Variants in PLB1 observed in about 807,000 individuals in gnomAD.
PLB1 encodes phospholipase B1, membrane-associated.
A neutral mutation model predicts 227.4 loss-of-function variants in PLB1; 242 were observed. The observed-to-expected ratio is 1.06, with a 90% CI of 0.96 to 1.18. The LOEUF (loss-of-function observed/expected upper bound fraction) is 1.18, where lower values mean the gene tolerates loss of function less well. PLB1 is among the 50% of genes most tolerant of loss of function. PLB1 has a pLI of 0.00. For missense variants in PLB1, 1,858 were observed against 1,816.3 expected, an observed-to-expected ratio of 1.02 and a Z score of -0.42; for synonymous variants, 757 against 682.2, an observed-to-expected ratio of 1.11 and a Z score of -1.71.
intron 18 of PLB1, among the ~76,000 whole-genome samples, chr2:28,564,539 C>T (rs1200932829): frequency 1.3e-5 from 2 of 152,230 alleles, no homozygotes; most frequent in Admixed American, 6.5e-5. Flanking sequence ...ATTCCCTGGT[C>T]TCCTTGAAGA....
intron 22 of PLB1, 60 bp from the exon 23 acceptor site, chr2:28,579,567 T>G: frequency 5.1e-6 from 7 of 1,362,968 alleles, no homozygotes; most frequent in Admixed American, 1.7e-5. Context: ...AAGCATTTTG[T>G]GTTTTCCTTG....
intron 4 of PLB1, among the ~76,000 whole-genome samples, chr2:28,521,147 G>C (rs1055126879): frequency 6.6e-6 from 1 of 152,106 alleles, no homozygotes; most frequent in Admixed American, 6.5e-5. Flanking sequence ...TGTATATCTA[G>C]ATCAGATTTC....
intron 41 of PLB1, 22 bp downstream of exon 41, chr2:28,604,781 A>G (rs200035281): frequency 2.5e-6 from 4 of 1,599,414 alleles, no homozygotes; most frequent in Middle Eastern, 1.7e-4. Context: ...GCCCTCACCC[A>G]TGGTACTCTT....
chr2:28,598,616 C>A, intron 34 of PLB1, 36 bp from the exon 35 acceptor site: 1 of 1,537,646 alleles, frequency 6.5e-7, no homozygotes, highest in South Asian at 1.1e-5. Flanking sequence ...GCTTTCTGTT[C>A]TGAGCCGTCT....
chr2:28,620,188 A>AC, intron 46 of PLB1, 77 bp from the exon 47 acceptor site: 1 of 989,842 alleles, frequency 1.0e-6, no homozygotes, highest in Non-Finnish European at 1.5e-6. Flanking sequence ...CCTAGCTGCT[A>AC]CCCCAGGGCC....
rs564428163 is a variant in PLB1 at position 28,503,514 on chromosome 2, T to C, written c.55+7345T>C. On this transcript the variant is annotated intron_variant, in intron 1 of 57. Coordinates refer to ENST00000327757, the MANE Select transcript of PLB1 (RefSeq NM_153021.5). Reference sequence around the variant, plus strand: ...ATAGCAAACTACCCCCAAATCTCAGTGACTTACAGTAGCAACCACTTCATT... The same window carrying C: ...ATAGCAAACTACCCCCAAATCTCAGCGACTTACAGTAGCAACCACTTCATT... Among the ~76,000 whole-genome samples the C allele has an allele frequency of 5.9e-5, 9 of 152,312 alleles. No individual in the cohort carries two copies. The East Asian group carries it at 1.5e-3, about 26-fold the overall frequency.
intron 26 of PLB1, among the ~76,000 whole-genome samples, chr2:28,589,097 G>A (rs1437606706): frequency 1.5e-4 from 23 of 152,022 alleles, no homozygotes; most frequent in Non-Finnish European, 2.8e-4. Flanking sequence ...CCCGGGAGGC[G>A]GAGGTTGCAG....
chr2:28,604,152 G>A lies in PLB1; in HGVS notation c.2856+105G>A, dbSNP rs1037886981. ...CACACAGGGAAGGAAAAGCTGGTCA[G>A]GGATTGTGGGGAGACGGGGAGCAGC... On this transcript the variant is annotated intron_variant, in intron 40 of 57. Transcript: ENST00000327757. 4 of 1,100,108 alleles carry A rather than the reference G, an allele frequency of 3.6e-6. No individual in the cohort carries two copies. The African/African-American group carries it at 4.6e-5, about 13-fold the overall frequency. 68.1% of individuals were successfully genotyped at this position (1,100,108 alleles called of 1,614,324 possible).
At chr2:28,585,898 C>T (rs1397948039) in intron 26 of PLB1, 56 bp downstream of exon 26, 2 of 1,449,170 alleles carry the variant, frequency 1.4e-6, no homozygotes, top group Non-Finnish European at 1.9e-6. Context: ...TTCGATTGCT[C>T]TGTCTAGAGA....
At chr2:28,613,232 T>TC (rs1685737861) in intron 43 of PLB1, among the ~76,000 whole-genome samples, 1 of 152,218 alleles carries the variant, frequency 6.6e-6, no homozygotes, top group Admixed American at 6.5e-5. Flanking sequence ...CCTGGTTTTT[T>TC]CTTCTTGTTC....
intron 4 of PLB1, among the ~76,000 whole-genome samples, chr2:28,523,848 G>A (rs1669872109): frequency 6.6e-6 from 1 of 152,146 alleles, no homozygotes; most frequent in African/African-American, 2.4e-5. Context: ...AAATGACTCT[G>A]GGGGGTGCCC....
At chr2:28,585,462 A>G (rs1348121164) in intron 25 of PLB1, 2 of 297,036 alleles carry the variant, frequency 6.7e-6, no homozygotes, top group Admixed American at 4.2e-5. Context: ...TTTTTAGTAG[A>G]GACGGGGTTT....
intron 53 of PLB1, among the ~76,000 whole-genome samples, chr2:28,629,914 C>T (rs533089170): frequency 6.6e-6 from 1 of 152,274 alleles, no homozygotes; most frequent in African/African-American, 2.4e-5. Flanking sequence ...AGGAGGTTCT[C>T]CAGGGAGCTG....
rs1302737216 is a variant in PLB1, at chr2:28,593,686, C to CA, written c.2255dup (p.Asn752LysfsTer38). On this transcript the variant is annotated frameshift_variant, in exon 33 of 58. Transcript: ENST00000327757. LOFTEE classifies it high-confidence loss of function. The stretch of plus-strand genomic sequence containing the variant: ...ACTCTGGTATATTTTCAAAGGCTGG[C>CA]AATGGAATTGGCTCCAAACCAGACG... 1 of 1,614,026 alleles carries CA rather than the reference C, an allele frequency of 6.2e-7. No individual in the cohort carries two copies. Among genetic ancestry groups the CA allele is most frequent in the Admixed American group, 1.7e-5 (1 of 60,014 alleles).
At chr2:28,598,194 C>T in intron 34 of PLB1, 146 bp downstream of exon 34, 1 of 672,926 alleles carries the variant, frequency 1.5e-6, no homozygotes, top group East Asian at 2.8e-5. Flanking sequence ...TATGAAAAAG[C>T]AGCCGAGGCA....
chr2:28,510,900 T>G (rs1668178251), intron 1 of PLB1, among the ~76,000 whole-genome samples: 1 of 152,014 alleles, frequency 6.6e-6, no homozygotes, highest in Non-Finnish European at 1.5e-5. Context: ...AGCATTGAGA[T>G]TACAAGCATG....
intron 18 of PLB1, 105 bp from the exon 19 acceptor site, chr2:28,565,175 C>T (rs1354861540): frequency 4.4e-6 from 4 of 919,190 alleles, no homozygotes; most frequent in Non-Finnish European, 6.9e-6. Flanking sequence ...CAGAGAGTGC[C>T]CAGGTGGTCC....
chr2:28,538,222 T>C (rs576623364), intron 9 of PLB1, 97 bp from the exon 10 acceptor site: 8 of 1,466,464 alleles, frequency 5.5e-6, no homozygotes, highest in Non-Finnish European at 7.6e-6. Context: ...TTGCCTGTGG[T>C]CTTGCCTGGC....
chr2:28,609,162 C>T (rs1685092635), intron 43 of PLB1, among the ~76,000 whole-genome samples: 1 of 152,130 alleles, frequency 6.6e-6, no homozygotes, highest in African/African-American at 2.4e-5. Flanking sequence ...TCAAGTGATC[C>T]ATCAGCCTTG....
Sources: gnomAD v4.1 joint callset for allele counts (sites outside exome capture counted in the v4.1 genomes callset) on GRCh38, gnomAD v4.1.1 for gene constraint, MANE v1.5 for transcripts, NCBI Gene and HGNC (gene_info 2026-07-23, HGNC 2026-07-21) for gene names.